Variants in ST3GAL2 observed in about 807,000 individuals in gnomAD.
The protein encoded by ST3GAL2 is ST3 beta-galactoside alpha-2,3-sialyltransferase 2, also known as CMP-N-acetylneuraminate-beta-galactosamide-alpha-2,3-sialyltransferase 2.
ST3GAL2 carries 16 observed loss-of-function variants against 37.5 expected under a neutral mutation model. That is an observed-to-expected ratio of 0.43 (90% CI 0.29 to 0.65). ST3GAL2 has a LOEUF of 0.65. Ranked by LOEUF, ST3GAL2 falls within the 30% of genes least tolerant of loss-of-function variation. ST3GAL2 has a pLI of 0.17. For missense variants in ST3GAL2, 383 were observed against 487.8 expected (o/e 0.79, Z 2.02); for synonymous variants, 238 against 202.9 (o/e 1.17, Z -1.47).
At position 70,382,865 on chromosome 16, in the gene ST3GAL2, G is replaced by C; in HGVS notation, c.819C>G (p.His273Gln). Residue 273 changes from histidine to glutamine, a missense_variant, in exon 6 of 7, where the codon CAC becomes CAG. His to Gln is a conservative substitution (Grantham distance 24). Coordinates refer to ENST00000342907, the MANE Select transcript of ST3GAL2 (RefSeq NM_006927.4). ...KYIHDRWTEH[H>Q]GRYPSTGMLV... ...GCATCCCCGTGGAAGGGTACCGCCC[G>C]TGATGCTCTGTCCACCTGTCGTGGA... The C allele has an allele frequency of 6.2e-7, 1 of 1,614,140 alleles. No homozygotes were observed. Among genetic ancestry groups the C allele is most frequent in the Non-Finnish European group, 8.5e-7 (1 of 1,179,994 alleles).
intron 1 of ST3GAL2, among the ~76,000 whole-genome samples, chr16:70,408,445 C>T (rs900420167): frequency 6.6e-6 from 1 of 152,104 alleles, no homozygotes; most frequent in Non-Finnish European, 1.5e-5. Flanking sequence ...ACCGAAAGCC[C>T]CTCCCTCCCC....
At chr16:70,393,174 C>T (rs765475707) in intron 3 of ST3GAL2, among the ~76,000 whole-genome samples, 1 of 151,956 alleles carries the variant, frequency 6.6e-6, no homozygotes, top group Non-Finnish European at 1.5e-5. Context: ...CAACCTCCGC[C>T]TCCTGGGTTC....
chr16:70,408,403 G>A (rs2047608501), intron 1 of ST3GAL2, among the ~76,000 whole-genome samples: 3 of 152,054 alleles, frequency 2.0e-5, no homozygotes, highest in African/African-American at 4.8e-5. Flanking sequence ...GAGCTGGGGC[G>A]GAGGGGTGGG....
chr16:70,432,945 T>TAGAGAGC (rs2047801185), intron 1 of ST3GAL2, among the ~76,000 whole-genome samples: 2 of 151,900 alleles, frequency 1.3e-5, no homozygotes, highest in African/African-American at 4.9e-5. Flanking sequence ...GTCCACCACA[T>TAGAGAGC]AGAGAGCCTC....
intron 1 of ST3GAL2, among the ~76,000 whole-genome samples, chr16:70,431,768 C>T (rs2047791867): frequency 1.3e-5 from 2 of 151,740 alleles, no homozygotes; most frequent in Admixed American, 6.6e-5. Context: ...TCGAGACCAT[C>T]CTGGCTAATA....
intron 3 of ST3GAL2, among the ~76,000 whole-genome samples, chr16:70,392,183 T>C (rs2047486287): frequency 6.6e-6 from 1 of 152,204 alleles, no homozygotes; most frequent in Non-Finnish European, 1.5e-5. Context: ...CTTCCAAACA[T>C]CTGGGAATGA....
intron 5 of ST3GAL2, 107 bp from the exon 6 acceptor site, chr16:70,383,031 T>C: frequency 6.3e-7 from 1 of 1,585,436 alleles, no homozygotes; most frequent in Non-Finnish European, 8.6e-7. Context: ...TGTGCGTCTG[T>C]GTCTCCTGAA....
rs1333907402 is a variant in ST3GAL2, at chr16:70,379,582, C to G, written c.*2107G>C. The G allele has an allele frequency of 6.6e-6, 1 of 152,182 alleles. No homozygotes were observed. The highest frequency in any genetic ancestry group is 1.5e-5 in the Non-Finnish European group (1 of 68,030). 9.4% of individuals were successfully genotyped at this position (152,182 alleles called of 1,614,324 possible). On this transcript the variant is annotated 3_prime_UTR_variant, in exon 7 of 7. Coordinates refer to ENST00000342907, the MANE Select transcript of ST3GAL2 (RefSeq NM_006927.4). ...TGTTTAAATTACTATTGCAGAAAAT[C>G]TGGCTGGATGCTGGGACCTACCTCT...
intron 1 of ST3GAL2, among the ~76,000 whole-genome samples, chr16:70,410,381 GC>G (rs1475056936): frequency 4.0e-5 from 6 of 149,862 alleles, no homozygotes; most frequent in Admixed American, 6.7e-5. Context: ...CTCCCCCGTA[GC>G]TGGGACCACA....
intron 2 of ST3GAL2, among the ~76,000 whole-genome samples, chr16:70,397,910 C>G (rs2047527921): frequency 6.6e-6 from 1 of 152,178 alleles, no homozygotes; most frequent in Admixed American, 6.5e-5. Flanking sequence ...GGGCAGGCCC[C>G]CCATGGCTGT....
At position 70,381,716 on chromosome 16, in the gene ST3GAL2, G is replaced by A; in HGVS notation, c.1026C>T (p.Ser342=). ...AHIIDMLAKA[S]KIEVYRGN ...AGTTGCCCCGGTAGACTTCGATCTT[G>A]CTGGCCTTGGCCAGCATGTCGATGA... is the stretch of plus-strand genomic sequence containing the variant. Residue 342 remains serine, a synonymous_variant, in exon 7 of 7, where the codon AGC becomes AGT. Coordinates refer to ENST00000342907, the MANE Select transcript of ST3GAL2 (RefSeq NM_006927.4). The A allele has an allele frequency of 6.2e-7, 1 of 1,613,948 alleles. No individual in the cohort carries two copies. Among genetic ancestry groups the A allele is most frequent in the Non-Finnish European group, 8.5e-7 (1 of 1,179,928 alleles).
At chr16:70,411,353 C>T (rs1236726199) in intron 1 of ST3GAL2, among the ~76,000 whole-genome samples, 1 of 151,518 alleles carries the variant, frequency 6.6e-6, no homozygotes, top group Non-Finnish European at 1.5e-5. Flanking sequence ...TCACACCTTC[C>T]AGCCTGGATG....
intron 3 of ST3GAL2, among the ~76,000 whole-genome samples, chr16:70,389,565 A>C (rs1465479144): frequency 6.7e-6 from 1 of 150,186 alleles, no homozygotes; most frequent in Non-Finnish European, 1.5e-5. Context: ...CCTGGGTTCA[A>C]GGGATTCTCC....
intron 1 of ST3GAL2, among the ~76,000 whole-genome samples, chr16:70,405,470 G>A (rs1317485501): frequency 3.3e-5 from 5 of 150,074 alleles, no homozygotes; most frequent in African/African-American, 7.4e-5. Context: ...GAACCCGGGA[G>A]GCGGAGCTTG....
chr16:70,389,499 C>G (rs2047467848), intron 3 of ST3GAL2, among the ~76,000 whole-genome samples: 1 of 152,128 alleles, frequency 6.6e-6, no homozygotes, highest in Admixed American at 6.6e-5. Context: ...ACGGATCGCC[C>G]TGTCGCCCAG....
intron 2 of ST3GAL2, among the ~76,000 whole-genome samples, chr16:70,397,227 G>T (rs2047523301): frequency 6.6e-6 from 1 of 150,798 alleles, no homozygotes. Flanking sequence ...ATTTTTAGTA[G>T]AGACGGGGTT....
intron 1 of ST3GAL2, among the ~76,000 whole-genome samples, chr16:70,429,298 G>T (rs1171613048): frequency 6.6e-6 from 1 of 152,174 alleles, no homozygotes; most frequent in Non-Finnish European, 1.5e-5. Context: ...GATGGCTGAA[G>T]AATGAATCCC....
intron 1 of ST3GAL2, among the ~76,000 whole-genome samples, chr16:70,420,434 G>A (rs2047707192): frequency 6.6e-6 from 1 of 152,196 alleles, no homozygotes; most frequent in Admixed American, 6.5e-5. Flanking sequence ...GGGTAGAGAA[G>A]AGGGCAGAAC....
intron 3 of ST3GAL2, among the ~76,000 whole-genome samples, chr16:70,389,032 C>T (rs2151658879): frequency 6.9e-6 from 1 of 143,932 alleles, no homozygotes; most frequent in Middle Eastern, 3.5e-3. Context: ...CGACATCGCA[C>T]CACCGCACTC....
Sources: allele counts gnomAD v4.1 joint callset (sites outside exome capture counted in the v4.1 genomes callset), GRCh38; gene constraint gnomAD v4.1.1; transcripts MANE v1.5; gene names NCBI Gene and HGNC (gene_info 2026-07-23, HGNC 2026-07-21).